The following MAP3K14 variants were observed in gnomAD, a reference collection of about 807,000 sequenced individuals.
MAP3K14 encodes the protein mitogen-activated protein kinase kinase kinase 14.
A neutral mutation model predicts 99.2 loss-of-function variants in MAP3K14; 16 were observed. That is an observed-to-expected ratio of 0.16 (90% CI 0.11 to 0.24). The LOEUF is 0.24. Ranked by LOEUF, MAP3K14 falls within the 10% of genes least tolerant of loss-of-function variation. The pLI, the probability that MAP3K14 is intolerant of heterozygous loss-of-function variation, is 1.00. For synonymous variants in MAP3K14, 462 were observed against 492.4 expected, an observed-to-expected ratio of 0.94 and a Z score of 0.82; for missense variants, 784 against 1,208.7, an observed-to-expected ratio of 0.65 and a Z score of 5.21.
chr17:45,291,822 T>C (rs111813157), intron 1 of MAP3K14, among the ~76,000 whole-genome samples: 7 of 152,386 alleles, frequency 4.6e-5, no homozygotes, highest in African/African-American at 1.7e-4. Context: ...TGCTCTCTGA[T>C]GGTAGGTTTG....
chr17:45,266,938 C>T (rs1013880449), intron 13 of MAP3K14, among the ~76,000 whole-genome samples, 154 bp downstream of exon 13: 36 of 152,154 alleles, frequency 2.4e-4, no homozygotes, highest in Admixed American at 7.9e-4. Flanking sequence ...GTGAGGACCC[C>T]CACCAGAAGG....
chr17:45,310,955 G>A (rs1470245564), intron 1 of MAP3K14, among the ~76,000 whole-genome samples: 4 of 152,160 alleles, frequency 2.6e-5, no homozygotes, highest in South Asian at 2.1e-4. Context: ...GGCAGAGCTT[G>A]CAGAAAGGCT....
At chr17:45,308,139 G>A (rs368151757) in intron 1 of MAP3K14, among the ~76,000 whole-genome samples, 5 of 152,334 alleles carry the variant, frequency 3.3e-5, no homozygotes, top group Admixed American at 2.0e-4. Flanking sequence ...AACAGCCCAC[G>A]GCTCTCTCGT....
At chr17:45,283,352 C>T (rs1435331451) in intron 6 of MAP3K14, among the ~76,000 whole-genome samples, 1 of 152,232 alleles carries the variant, frequency 6.6e-6, no homozygotes, top group Non-Finnish European at 1.5e-5. Context: ...CTGGCAAGAA[C>T]TCGGCAAGAA....
chr17:45,314,749 C>T (rs770787842), intron 1 of MAP3K14, among the ~76,000 whole-genome samples: 1 of 152,108 alleles, frequency 6.6e-6, no homozygotes, highest in South Asian at 2.1e-4. Flanking sequence ...ACTTTCCCCC[C>T]AGAAAGAACA....
chr17:45,312,785 G>A (rs990732290), intron 1 of MAP3K14, among the ~76,000 whole-genome samples: 4 of 152,184 alleles, frequency 2.6e-5, no homozygotes, highest in Non-Finnish European at 4.4e-5. Context: ...TCAGAGAGAA[G>A]CTGACAAAGA....
chr17:45,275,951 C>T (rs879192327), intron 6 of MAP3K14, among the ~76,000 whole-genome samples: 3 of 151,846 alleles, frequency 2.0e-5, no homozygotes, highest in South Asian at 2.1e-4. Flanking sequence ...TTAGTAGAGA[C>T]GGGGTTTCAC....
chr17:45,301,617 T>A (rs1057029361), intron 1 of MAP3K14, among the ~76,000 whole-genome samples: 1 of 152,154 alleles, frequency 6.6e-6, no homozygotes, highest in African/African-American at 2.4e-5. Flanking sequence ...AATGGGATAT[T>A]AAATTAGTAG....
chr17:45,277,057 TG>T (rs1158001386), intron 6 of MAP3K14, among the ~76,000 whole-genome samples: 1 of 149,980 alleles, frequency 6.7e-6, no homozygotes, highest in Non-Finnish European at 1.5e-5. Context: ...CTTGAACTCC[TG>T]GCCTCATGAT....
chr17:45,278,994 C>A (rs1180672911), intron 6 of MAP3K14, among the ~76,000 whole-genome samples: 2 of 152,148 alleles, frequency 1.3e-5, no homozygotes, highest in African/African-American at 4.8e-5. Context: ...ACACTTAGGA[C>A]TGAGCATCCC....
chr17:45,272,500 T>G lies in MAP3K14; in HGVS notation c.1657+1003A>C, dbSNP rs914392476. Among the ~76,000 whole-genome samples, 4 of 152,222 alleles carry G rather than the reference T, an allele frequency of 2.6e-5. No individual in the cohort carries two copies. The highest frequency in any genetic ancestry group is 4.4e-5 in the Non-Finnish European group (3 of 68,044). On this transcript the variant is annotated intron_variant, in intron 9 of 15. Transcript: ENST00000344686. The surrounding 1 kb of genome is among the most constrained non-coding windows in gnomAD (Gnocchi z 4.1). ...AGTCCTTTAACAACACACAATCATA[T>G]ACTTCCAAAGATTCTTTTTCCGTTG...
rs1310675404 is a variant in MAP3K14, at chr17:45,274,522, A to G, written c.1362T>C (p.Pro454=). Residue 454 remains proline, a synonymous_variant, in exon 7 of 16, where the codon CCT becomes CCC. Transcript: ENST00000344686. ...CAGLTSPRIV[P]LYGAVREGPW... is the part of the protein sequence containing the mutation. ...GCCCTTCTCTCACAGCTCCATACAA[A>G]GGGACAATTCTGGGTGAGGTCAATC... 6.2e-7 allele frequency: 1 copy of G among 1,614,002 alleles called. No individual in the cohort carries two copies. Among genetic ancestry groups the G allele is most frequent in the Admixed American group, 1.7e-5 (1 of 60,022 alleles).
chr17:45,282,393 A>G (rs1331126046), intron 6 of MAP3K14, among the ~76,000 whole-genome samples: 1 of 151,992 alleles, frequency 6.6e-6, no homozygotes, highest in East Asian at 1.9e-4. Context: ...CTGTTTCTAC[A>G]AAAAATAAAA....
intron 3 of MAP3K14, among the ~76,000 whole-genome samples, chr17:45,287,680 G>T (rs1247608426): frequency 1.3e-5 from 2 of 152,228 alleles, no homozygotes; most frequent in Non-Finnish European, 2.9e-5. Flanking sequence ...TGGTGATGGG[G>T]TACAGACTCA....
At chr17:45,313,122 G>A (rs1276682879) in intron 1 of MAP3K14, among the ~76,000 whole-genome samples, 1 of 152,140 alleles carries the variant, frequency 6.6e-6, no homozygotes, top group African/African-American at 2.4e-5. Context: ...GAGAACCCGA[G>A]AGCTGAAGCT....
chr17:45,289,572 G>A (rs1280663010), intron 2 of MAP3K14, among the ~76,000 whole-genome samples: 3 of 152,140 alleles, frequency 2.0e-5, no homozygotes, highest in Non-Finnish European at 2.9e-5. Context: ...CAGGGCGCCC[G>A]CCTCACTTCC....
At chr17:45,265,860 G>A (rs56171801) in intron 14 of MAP3K14, among the ~76,000 whole-genome samples, 75 of 152,390 alleles carry the variant, frequency 4.9e-4, no homozygotes, top group African/African-American at 1.7e-3. Flanking sequence ...GCTAAGAGCT[G>A]GGGCTGGCTC....
intron 6 of MAP3K14, among the ~76,000 whole-genome samples, chr17:45,280,734 C>T (rs1443804376): frequency 6.6e-6 from 1 of 150,608 alleles, no homozygotes; most frequent in South Asian, 2.1e-4. Context: ...CTCAGCCTCC[C>T]GAGTAGTTAG....
At chr17:45,277,047 C>G (rs1327034384) in intron 6 of MAP3K14, among the ~76,000 whole-genome samples, 1 of 149,924 alleles carries the variant, frequency 6.7e-6, no homozygotes, top group Non-Finnish European at 1.5e-5. Flanking sequence ...CCAGGCTGGT[C>G]TTGAACTCCT....
Sources: allele counts gnomAD v4.1 joint callset (sites outside exome capture counted in the v4.1 genomes callset), GRCh38; gene constraint gnomAD v4.1.1; non-coding constraint Gnocchi (gnomAD v3.1); transcripts MANE v1.5; gene names NCBI Gene and HGNC (gene_info 2026-07-23, HGNC 2026-07-21).